Variants in ERCC1 observed in about 807,000 individuals in gnomAD.
The protein encoded by ERCC1 is DNA excision repair protein ERCC-1.
A neutral mutation model predicts 37.6 loss-of-function variants in ERCC1; 36 were observed. The ratio of observed to expected loss-of-function variants is 0.96; its 90% CI spans 0.73 to 1.26. The LOEUF is 1.26. Ranked by LOEUF, ERCC1 falls within the 50% of genes most tolerant of loss-of-function variation. The pLI is 0.00. For missense variants in ERCC1, 349 were observed against 376.5 expected (o/e 0.93, Z 0.60); for synonymous variants, 156 against 162.1 (o/e 0.96, Z 0.28).
At chr19:45,418,855 A>G (rs1199254631) in intron 5 of ERCC1, among the ~76,000 whole-genome samples, 1 of 152,194 alleles carries the variant, frequency 6.6e-6, no homozygotes, top group East Asian at 1.9e-4. Flanking sequence ...CAAAACAAAA[A>G]GAAGAGATAT....
chr19:45,422,018 C>T (rs752516897), intron 2 of ERCC1, among the ~76,000 whole-genome samples: 1 of 152,088 alleles, frequency 6.6e-6, no homozygotes, highest in Non-Finnish European at 1.5e-5. Context: ...AATTCAGCCA[C>T]TTCTCCCCCA....
chr19:45,440,850 C>T (rs1353918313), intron 1 of ERCC1, among the ~76,000 whole-genome samples: 1 of 152,174 alleles, frequency 6.6e-6, no homozygotes, highest in South Asian at 2.1e-4. Context: ...CCTCCCACCT[C>T]AGCCTTCCTA....
Position 45,408,342 on chromosome 19 carries a change from T to C in ERCC1, c.*1333A>G, listed in dbSNP as rs145278578. ...ATCCTTGAGGGTCCCCAGCAATCCC[T>C]GTCAGGGAGCCCTCTGCAGCCCATC... is the stretch of plus-strand genomic sequence containing the variant. On this transcript the variant is annotated 3_prime_UTR_variant, in exon 10 of 10. Coordinates refer to ENST00000300853, the MANE Select transcript of ERCC1 (RefSeq NM_001983.4). The C allele has an allele frequency of 2.6e-5, 42 of 1,608,040 alleles. No individual in the cohort carries two copies. In the African/African-American group the frequency reaches 5.3e-4, roughly 20 times the overall value.
At chr19:45,423,669 C>T in intron 1 of ERCC1, 112 bp downstream of exon 1, 1 of 1,267,090 alleles carries the variant, frequency 7.9e-7, no homozygotes, top group Non-Finnish European at 1.0e-6. Context: ...GTCCGGCCCC[C>T]GAGGCTAGCA....
At position 45,439,832 on chromosome 19, in the gene ERCC1, G is replaced by A. The variant is rs531885953; in HGVS notation, c.-7-16451C>T. The stretch of plus-strand genomic sequence containing the variant: ...GGGGTAGGGGGACGGCTGTGACTCA[G>A]GCGCGCGCTCCTCCCCGGGGCCCTC... On this transcript the variant is annotated intron_variant, in intron 1 of 8. Coordinates refer to the ERCC1 transcript ENST00000423698. 5.3e-5 allele frequency among the ~76,000 whole-genome samples: 8 copies of A among 152,150 alleles called. No homozygotes were observed. The South Asian group carries it at 1.7e-3, about 32-fold the overall frequency.
intron 9 of ERCC1, among the ~76,000 whole-genome samples, chr19:45,412,070 A>G (rs1287064479): frequency 6.6e-6 from 1 of 151,422 alleles, no homozygotes; most frequent in Non-Finnish European, 1.5e-5. Context: ...CATGTTAGCC[A>G]TGATGGTCTC....
chr19:45,415,963 T>G (rs1442564748), intron 6 of ERCC1: 1 of 345,270 alleles, frequency 2.9e-6, no homozygotes, highest in Non-Finnish European at 5.7e-6. Flanking sequence ...TAGCAAGGTG[T>G]TGTCTCCACA....
intron 3 of ERCC1, 33 bp downstream of exon 3, chr19:45,421,145 C>G (rs760405933): frequency 5.0e-6 from 8 of 1,596,320 alleles, no homozygotes; most frequent in Non-Finnish European, 4.3e-6. Context: ...CACTGAAAAC[C>G]TCAAGGCCTC....
At chr19:45,421,519 G>T in intron 2 of ERCC1, 126 bp from the exon 3 acceptor site, 1 of 668,768 alleles carries the variant, frequency 1.5e-6, no homozygotes, top group Non-Finnish European at 2.5e-6. Context: ...ACCCAGACTG[G>T]AGTGTAGTGG....
Position 45,421,323 on chromosome 19 carries a change from G to A in ERCC1, c.176C>T (p.Thr59Ile). 6.2e-7 allele frequency: 1 copy of A among 1,614,132 alleles called. No individual in the cohort carries two copies. Among genetic ancestry groups the A allele is most frequent in the Non-Finnish European group, 8.5e-7 (1 of 1,180,042 alleles). ...VDTSAQAAPQ[T>I]YAEYAISQPL... is the part of the protein sequence containing the mutation. The stretch of plus-strand genomic sequence containing the variant: ...CTGTGAGATGGCATATTCGGCGTAG[G>A]TCTGAGGGGCCGCCTGGGCCGAGGT... Residue 59 changes from threonine to isoleucine, a missense_variant, in exon 3 of 10, where the codon ACC becomes ATC. Physicochemically the swap from Thr to Ile is moderately conservative, Grantham distance 89. Transcript: ENST00000300853.
At position 45,409,213 on chromosome 19, in the gene ERCC1, G is replaced by A. The variant is rs776365367; in HGVS notation, c.*462C>T. The stretch of plus-strand genomic sequence containing the variant: ...AGCTGCCGGATGACCTTGAGCCTCA[G>A]GCAGCTCCCACATCCACCAAGAAGA... On this transcript the variant is annotated 3_prime_UTR_variant, in exon 10 of 10. Transcript: ENST00000300853. 4.3e-6 allele frequency: 7 copies of A among 1,612,888 alleles called. 1 individual carries two copies. In the South Asian group the frequency reaches 7.7e-5, roughly 18 times the overall value.
At chr19:45,441,937 C>T (rs1423589814) in intron 1 of ERCC1, among the ~76,000 whole-genome samples, 2 of 152,106 alleles carry the variant, frequency 1.3e-5, no homozygotes, top group African/African-American at 4.8e-5. Flanking sequence ...CTGCCTCGGC[C>T]TCCCAAAGTG....
At chr19:45,441,954 T>A (rs1437419213) in intron 1 of ERCC1, among the ~76,000 whole-genome samples, 1 of 152,050 alleles carries the variant, frequency 6.6e-6, no homozygotes, top group Non-Finnish European at 1.5e-5. Flanking sequence ...AGTGCTGGGA[T>A]TACAGGTGTG....
chr19:45,439,150 C>T (rs10418863), intron 1 of ERCC1, among the ~76,000 whole-genome samples: 3,184 of 152,102 alleles, frequency 0.021, 111 homozygotes, highest in African/African-American at 0.073. Flanking sequence ...CGCACCACTG[C>T]ACTCCAGCCT....
At chr19:45,418,477 G>GC (rs1568583267) in intron 5 of ERCC1, among the ~76,000 whole-genome samples, 1 of 151,964 alleles carries the variant, frequency 6.6e-6, no homozygotes, top group Non-Finnish European at 1.5e-5. Context: ...CTAAGATCTG[G>GC]CCATTGCACT....
chr19:45,430,004 G>C (rs565755923), intron 1 of ERCC1, among the ~76,000 whole-genome samples: 4 of 152,094 alleles, frequency 2.6e-5, no homozygotes, highest in African/African-American at 9.7e-5. Flanking sequence ...GGCTGGTTTC[G>C]AACTCCTGAC....
Position 45,416,848 on chromosome 19 carries a change from G to T in ERCC1, c.575C>A (p.Ala192Asp). Residue 192 changes from alanine to aspartate, a missense_variant, in exon 6 of 10, where the codon GCC (alanine) becomes GAC (aspartate). Coordinates refer to ENST00000300853, the MANE Select transcript of ERCC1 (RefSeq NM_001983.4). ...LKELAKMCIL[A>D]DCTLILAWSP... ...CCAGGCGAGGATCAATGTGCAGTCG[G>T]CCAGGATACACATCTTAGCCAGCTC... The T allele has an allele frequency of 6.2e-7, 1 of 1,613,696 alleles. No individual in the cohort carries two copies. The highest frequency in any genetic ancestry group is 8.5e-7 in the Non-Finnish European group (1 of 1,179,718).
chr19:45,436,348 C>T (rs1017993256), intron 1 of ERCC1, among the ~76,000 whole-genome samples: 1 of 152,148 alleles, frequency 6.6e-6, no homozygotes, highest in African/African-American at 2.4e-5. Context: ...GAAATTCGGC[C>T]GGGCGCCGTG....
Position 45,450,887 on chromosome 19 carries a change from G to GCCCCCC in ERCC1, c.-7-27512_-7-27507dup, listed in dbSNP as rs56670394. Among the ~76,000 whole-genome samples, 28 of 59,380 alleles carry GCCCCCC rather than the reference G, an allele frequency of 4.7e-4. 6 individuals carry two copies. The highest frequency in any genetic ancestry group is 7.7e-4 in the Admixed American group (4 of 5,204). The allele number at this position is 59,380 out of a possible 152,430, so 39.0% of individuals were successfully genotyped here. A position where few individuals can be genotyped will look rare whatever the true frequency, so the allele number is the denominator to read the frequency against. On this transcript the variant is annotated intron_variant, in intron 1 of 8. Coordinates refer to the ERCC1 transcript ENST00000423698. Reference sequence around the variant, plus strand: ...ACGCGGCCGCCGTCTCCGTGCGCCCGCCCCCCCCCCCCCCCCCCACGCCCG... The same window carrying GCCCCCC: ...ACGCGGCCGCCGTCTCCGTGCGCCCGCCCCCCCCCCCCCCCCCCCCCCCCACGCCCG...
Sources: gnomAD v4.1 joint callset for allele counts (sites outside exome capture counted in the v4.1 genomes callset) on GRCh38, gnomAD v4.1.1 for gene constraint, MANE v1.5 for transcripts, NCBI Gene and HGNC (gene_info 2026-07-23, HGNC 2026-07-21) for gene names.